Variants in ZSCAN25 observed in about 807,000 individuals in gnomAD.
ZSCAN25 encodes the protein zinc finger and SCAN domain-containing protein 25.
In ZSCAN25, 27 loss-of-function variants were observed where a neutral mutation model predicts 38.7. The ratio of observed to expected loss-of-function variants is 0.70; its 90% CI spans 0.51 to 0.96. The LOEUF (loss-of-function observed/expected upper bound fraction) is 0.96. Ranked by LOEUF, ZSCAN25 falls within the 40% of genes least tolerant of loss-of-function variation. The pLI is 0.00. For missense variants in ZSCAN25, 637 were observed against 705.9 expected, an observed-to-expected ratio of 0.90 and a Z score of 1.11; for synonymous variants, 273 against 277.7, an observed-to-expected ratio of 0.98 and a Z score of 0.17.
chr7:99,660,515 G>GC, the ZSCAN25 span: 1 of 1,612,512 alleles, frequency 6.2e-7, no homozygotes, highest in South Asian at 1.1e-5. Flanking sequence ...GGGCAAAACT[G>GC]CATCAATCTC....
chr7:99,697,421 G>C, the ZSCAN25 span, among the ~76,000 whole-genome samples: 1 of 152,178 alleles, frequency 6.6e-6, no homozygotes. Flanking sequence ...GTCCCACAAG[G>C]TTGGTCCCAG....
Position 99,619,556 on chromosome 7 carries a change from A to T in ZSCAN25, c.-46-5A>T. On this transcript the variant is annotated splice_region_variant and splice_polypyrimidine_tract_variant and intron_variant, in intron 3 of 7. Coordinates refer to ENST00000394152, the MANE Select transcript of ZSCAN25 (RefSeq NM_145115.3). ...GACCTTTCATGTGTCTCTTGTTCTC[A>T]AAAGGGTCATTGATGCAGTCATTCT... 6.5e-7 allele frequency: 1 copy of T among 1,550,114 alleles called. No individual in the cohort carries two copies. The highest frequency in any genetic ancestry group is 2.3e-5 in the East Asian group (1 of 44,314).
In ZSCAN25 at chr7:99,631,902, C is replaced by G; in HGVS notation, c.*1882C>G. ...CACATGCAAAATCAGCTTTTTTTCC[C>G]CCGTAATTATCAGAGCAGCTAGGCA... On this transcript the variant is annotated 3_prime_UTR_variant, in exon 8 of 8. Transcript: ENST00000394152. 2.0e-6 allele frequency: 2 copies of G among 985,432 alleles called. No homozygotes were observed. The highest frequency in any genetic ancestry group is 2.4e-6 in the Non-Finnish European group (2 of 829,986). 61.0% of individuals were successfully genotyped at this position (985,432 alleles called of 1,614,324 possible). A position where few individuals can be genotyped will look rare whatever the true frequency, so the allele number is the denominator to read the frequency against.
the ZSCAN25 span, chr7:99,695,672 A>G: frequency 8.0e-7 from 1 of 1,254,832 alleles, no homozygotes; most frequent in Non-Finnish European, 1.1e-6. Flanking sequence ...CCTGAGGAGA[A>G]GCAGTTTTAC....
At chr7:99,701,697 ATGT>A in the ZSCAN25 span, among the ~76,000 whole-genome samples, 1 of 152,210 alleles carries the variant, frequency 6.6e-6, no homozygotes, top group Non-Finnish European at 1.5e-5. Context: ...ATGATCAATG[ATGT>A]TGAGCACATT....
At chr7:99,665,309 A>G in the ZSCAN25 span, 1 of 1,614,138 alleles carries the variant, frequency 6.2e-7, no homozygotes. Flanking sequence ...GTAGGCCCCA[A>G]AGATGCTGAG....
chr7:99,657,985 G>A, the ZSCAN25 span, among the ~76,000 whole-genome samples: 9 of 152,264 alleles, frequency 5.9e-5, no homozygotes, highest in African/African-American at 1.2e-4. Flanking sequence ...TACTTTGCAC[G>A]TGAGATGGGT....
chr7:99,639,758 G>A, the ZSCAN25 span, among the ~76,000 whole-genome samples: 7 of 152,126 alleles, frequency 4.6e-5, no homozygotes, highest in Non-Finnish European at 1.0e-4. Flanking sequence ...GATTTCTCCT[G>A]TGAATTCTAA....
At chr7:99,643,934 T>C in the ZSCAN25 span, among the ~76,000 whole-genome samples, 1 of 151,820 alleles carries the variant, frequency 6.6e-6, no homozygotes, top group Non-Finnish European at 1.5e-5. Context: ...GCTGACCCTG[T>C]GAGGCACACC....
At chr7:99,686,176 C>T in the ZSCAN25 span, among the ~76,000 whole-genome samples, 5 of 152,298 alleles carry the variant, frequency 3.3e-5, no homozygotes, top group Non-Finnish European at 4.4e-5. Flanking sequence ...GTGGGTGCAG[C>T]GTGCTGTGCA....
the ZSCAN25 span, chr7:99,672,540 G>C: frequency 1.3e-6 from 2 of 1,508,498 alleles, no homozygotes; most frequent in Non-Finnish European, 1.8e-6. Context: ...TTTAATCAGT[G>C]GATCAATCAT....
In ZSCAN25 at chr7:99,629,061, T is replaced by G; in HGVS notation, c.806-130T>G. 5 of 1,284,632 alleles carry G rather than the reference T, an allele frequency of 3.9e-6. No homozygotes were observed. The highest frequency in any genetic ancestry group is 5.3e-6 in the Non-Finnish European group (5 of 947,520). The allele number at this position is 1,284,632 out of a possible 1,614,324, so 79.6% of individuals were successfully genotyped here. On this transcript the variant is annotated intron_variant, in intron 7 of 7. Transcript: ENST00000394152. The surrounding 1 kb of genome is among the most constrained non-coding windows in gnomAD (Gnocchi z 5.6). ...TAAGGAAAAAGAAGTAAGGAAAGCC[T>G]GAGTTGAGGTTGTTGGTCAAAGGAA...
the ZSCAN25 span, chr7:99,710,758 C>A: frequency 1.2e-6 from 2 of 1,613,940 alleles, no homozygotes; most frequent in Admixed American, 1.7e-5. Context: ...GTATCAATTT[C>A]CTTCTGCACT....
intron 4 of ZSCAN25, 178 bp downstream of exon 4, chr7:99,620,171 C>T (rs1806826289): frequency 2.2e-6 from 2 of 891,642 alleles, no homozygotes; most frequent in Non-Finnish European, 3.3e-6. Flanking sequence ...AAGGCCATTC[C>T]CAGGGGAGAT....
the ZSCAN25 span, among the ~76,000 whole-genome samples, chr7:99,722,739 G>T: frequency 6.6e-6 from 1 of 152,172 alleles, no homozygotes; most frequent in Non-Finnish European, 1.5e-5. Context: ...AGAAGGGAAC[G>T]TGCAGTCTTT....
the ZSCAN25 span, among the ~76,000 whole-genome samples, chr7:99,684,318 C>T: frequency 6.6e-6 from 1 of 151,940 alleles, no homozygotes; most frequent in Admixed American, 6.6e-5. Context: ...TAGGTGCATA[C>T]CACCACACCT....
chr7:99,661,564 G>C, the ZSCAN25 span, among the ~76,000 whole-genome samples: 7 of 152,196 alleles, frequency 4.6e-5, no homozygotes, highest in African/African-American at 1.7e-4. Flanking sequence ...GCTCACGATG[G>C]TCCATCACTA....
At chr7:99,733,983 G>T in the ZSCAN25 span, among the ~76,000 whole-genome samples, 1 of 152,138 alleles carries the variant, frequency 6.6e-6, no homozygotes, top group Admixed American at 6.5e-5. Flanking sequence ...GGAAAGGTGA[G>T]GTTATCTTAT....
rs569696870 is a variant in ZSCAN25, at chr7:99,620,111, C to T, written c.387+118C>T. 22 of 1,378,134 alleles carry T rather than the reference C, an allele frequency of 1.6e-5. No homozygotes were observed. In the African/African-American group the frequency reaches 2.0e-4, roughly 13 times the overall value. The allele number at this position is 1,378,134 out of a possible 1,614,324, so 85.4% of individuals were successfully genotyped here. A position where few individuals can be genotyped will look rare whatever the true frequency, so the allele number is the denominator to read the frequency against. On this transcript the variant is annotated intron_variant, in intron 4 of 7. Coordinates refer to ENST00000394152, the MANE Select transcript of ZSCAN25 (RefSeq NM_145115.3). ...AGGTGTGGAGCCGCCCTCCTCTGCC[C>T]TCAGACTCCCTGAGGTTCTTTTTGG...
Sources: allele counts gnomAD v4.1 joint callset (sites outside exome capture counted in the v4.1 genomes callset), GRCh38; gene constraint gnomAD v4.1.1; non-coding constraint Gnocchi (gnomAD v3.1); transcripts MANE v1.5; gene names NCBI Gene and HGNC (gene_info 2026-07-23, HGNC 2026-07-21).